Variants in ZC3H6 observed in about 807,000 individuals in gnomAD.
ZC3H6 encodes the protein zinc finger CCCH-type containing 6, also known as zinc finger CCCH domain-containing protein 6.
Under a neutral mutation model 107.7 loss-of-function variants are expected in ZC3H6, and 40 were observed. That is an observed-to-expected ratio of 0.37 (90% confidence interval 0.29 to 0.48). ZC3H6 has a LOEUF of 0.48. ZC3H6 is among the 20% of genes least tolerant of loss of function. The probability of loss-of-function intolerance (pLI) is 0.98; values close to 1 mark genes in which losing one functional copy is unlikely to be tolerated. For synonymous variants in ZC3H6, 493 were observed against 487.9 expected, an observed-to-expected ratio of 1.01 and a Z score of -0.14; for missense variants, 1,267 against 1,410.4, an observed-to-expected ratio of 0.90 and a Z score of 1.63.
intron 1 of ZC3H6, among the ~76,000 whole-genome samples, chr2:112,297,972 G>T (rs796509717): frequency 4.6e-5 from 7 of 152,208 alleles, no homozygotes; most frequent in African/African-American, 1.2e-4. Flanking sequence ...AAAATTAGTC[G>T]GATGTGATGG....
chr2:112,322,692 A>C lies in ZC3H6; in HGVS notation c.1130A>C (p.Glu377Ala). The stretch of plus-strand genomic sequence containing the variant: ...GAACTCATAAATGAAGATGAAAGAG[A>C]ATTAGAGGAACTTAGAAAGCGTGGC... ...DEELINEDER[E>A]LEELRKRGIT... Residue 377 changes from glutamate (E) to alanine (A), a missense_variant, in exon 9 of 12, where the codon GAA (glutamate) becomes GCA (alanine). Coordinates refer to ENST00000409871, the MANE Select transcript of ZC3H6 (RefSeq NM_198581.3). 2 of 1,612,242 alleles carry C rather than the reference A, an allele frequency of 1.2e-6. No homozygotes were observed. Among genetic ancestry groups the C allele is most frequent in the Non-Finnish European group, 1.7e-6 (2 of 1,179,446 alleles).
chr2:112,332,473 T>G lies in ZC3H6; in HGVS notation c.3555T>G (p.Ala1185=), dbSNP rs1677057233. The change falls in exon 12 of 12, where the codon GCT becomes GCG. Residue 1185 remains alanine, a synonymous_variant. Transcript: ENST00000409871. ...TTTTTAAAACTTTTGATCCAACTGC[T>G]TCACCATTTTGTTAGCTATTGTGTA... The part of the protein sequence containing the change: ...KEVFKTFDPT[A]SPFC 1 of 1,605,680 alleles carries G rather than the reference T, an allele frequency of 6.2e-7. No individual in the cohort carries two copies. Among genetic ancestry groups the G allele is most frequent in the Non-Finnish European group, 8.5e-7 (1 of 1,176,622 alleles).
intron 4 of ZC3H6, 59 bp downstream of exon 4, chr2:112,310,220 A>G: frequency 4.6e-6 from 7 of 1,508,612 alleles, no homozygotes; most frequent in Non-Finnish European, 6.2e-6. Flanking sequence ...ACAGGCAGCT[A>G]TGGAGTAAAA....
At position 112,331,987 on chromosome 2, in the gene ZC3H6, A is replaced by G. The variant is rs1677043697; in HGVS notation, c.3069A>G (p.Pro1023=). 2 of 1,613,880 alleles carry G rather than the reference A, an allele frequency of 1.2e-6. No homozygotes were observed. Among genetic ancestry groups the G allele is most frequent in the African/African-American group, 1.3e-5 (1 of 74,914 alleles). Residue 1023 remains proline, a synonymous_variant, in exon 12 of 12, where the codon CCA becomes CCG. Coordinates refer to ENST00000409871, the MANE Select transcript of ZC3H6 (RefSeq NM_198581.3). Reference sequence around the variant, plus strand: ...ATTCTGGTTCCGGGGCTCTGCCTCCATATGCCCCTAAACTCTCTTCCTCAG... The same window carrying G: ...ATTCTGGTTCCGGGGCTCTGCCTCCGTATGCCCCTAAACTCTCTTCCTCAG... ...TSNSGSGALP[P]YAPKLSSSAG...
chr2:112,307,133 A>T (rs189134465), intron 3 of ZC3H6, among the ~76,000 whole-genome samples: 31 of 152,306 alleles, frequency 2.0e-4, no homozygotes, highest in Non-Finnish European at 3.1e-4. Flanking sequence ...TCTTCCATAT[A>T]TATATTTTAG....
At chr2:112,290,362 C>CA (rs1416576025) in intron 1 of ZC3H6, among the ~76,000 whole-genome samples, 1 of 152,264 alleles carries the variant, frequency 6.6e-6, no homozygotes, top group Non-Finnish European at 1.5e-5. Context: ...CCCTATCTCT[C>CA]AGGCAGACTC....
chr2:112,282,181 T>C (rs919867112), intron 1 of ZC3H6, among the ~76,000 whole-genome samples: 6 of 152,196 alleles, frequency 3.9e-5, no homozygotes, highest in African/African-American at 1.4e-4. Context: ...CTCTTAAGTT[T>C]TCACCTGGAC....
In ZC3H6 at chr2:112,337,488, A is replaced by G. The variant is rs928861465; in HGVS notation, c.*5000A>G. 8 of 151,888 alleles carry G rather than the reference A, an allele frequency of 5.3e-5. No homozygotes were observed. The highest frequency in any genetic ancestry group is 1.9e-4 in the African/African-American group (8 of 41,352). 9.4% of individuals were successfully genotyped at this position (151,888 alleles called of 1,614,324 possible). On this transcript the variant is annotated 3_prime_UTR_variant, in exon 12 of 12. Transcript: ENST00000409871. ...CAGGCACGTGCCACCACACCCAGCT[A>G]ATTTATTGTATTTACTAGAGACGGG...
chr2:112,298,069 G>T (rs1054241354), intron 1 of ZC3H6, among the ~76,000 whole-genome samples: 3 of 152,152 alleles, frequency 2.0e-5, no homozygotes, highest in African/African-American at 4.8e-5. Context: ...AGCTGAGATC[G>T]TGCCACTGCA....
At position 112,338,484 on chromosome 2, in the gene ZC3H6, A is replaced by G. The variant is rs754146160; in HGVS notation, c.*5996A>G. On this transcript the variant is annotated 3_prime_UTR_variant, in exon 12 of 12. Coordinates refer to ENST00000409871, the MANE Select transcript of ZC3H6 (RefSeq NM_198581.3). ...GCATAAGGAAGAGCTGTGAGTTCAA[A>G]GAAGATTGTGAGTTCTTGGAATAGT... is the stretch of plus-strand genomic sequence containing the variant. 1.3e-5 allele frequency: 2 copies of G among 152,222 alleles called. No individual in the cohort carries two copies. The highest frequency in any genetic ancestry group is 2.9e-5 in the Non-Finnish European group (2 of 68,042). The allele number at this position is 152,222 out of a possible 1,614,324, so 9.4% of individuals were successfully genotyped here. A position where few individuals can be genotyped will look rare whatever the true frequency, so the allele number is the denominator to read the frequency against.
In ZC3H6 at chr2:112,335,600, G is replaced by C. The variant is rs1281099412; in HGVS notation, c.*3112G>C. 1 of 152,088 alleles carries C rather than the reference G, an allele frequency of 6.6e-6. No homozygotes were observed. The highest frequency in any genetic ancestry group is 2.4e-5 in the African/African-American group (1 of 41,404). The allele number at this position is 152,088 out of a possible 1,614,324, so 9.4% of individuals were successfully genotyped here. A position where few individuals can be genotyped will look rare whatever the true frequency, so the allele number is the denominator to read the frequency against. On this transcript the variant is annotated 3_prime_UTR_variant, in exon 12 of 12. Coordinates refer to ENST00000409871, the MANE Select transcript of ZC3H6 (RefSeq NM_198581.3). ...GTAAAGAATGAATTATTTTTGTAAA[G>C]TATTTGTAAATATAAAATTGCTTTA...
intron 1 of ZC3H6, among the ~76,000 whole-genome samples, chr2:112,277,359 A>T (rs1010357727): frequency 2.0e-5 from 3 of 152,162 alleles, no homozygotes; most frequent in Non-Finnish European, 2.9e-5. Flanking sequence ...GGACAAACCA[A>T]TGATGGGGTT....
chr2:112,310,602 T>C (rs1481577590), intron 4 of ZC3H6, among the ~76,000 whole-genome samples: 1 of 152,184 alleles, frequency 6.6e-6, no homozygotes, highest in African/African-American at 2.4e-5. Flanking sequence ...AAACATAATC[T>C]AAAGACATTT....
chr2:112,317,370 G>A, intron 7 of ZC3H6, 38 bp downstream of exon 7: 1 of 1,175,684 alleles, frequency 8.5e-7, no homozygotes, highest in Non-Finnish European at 1.2e-6. Flanking sequence ...ATAAAATGCT[G>A]GGGTTTTAAA....
chr2:112,298,811 A>G (rs185020712), intron 1 of ZC3H6, among the ~76,000 whole-genome samples: 2 of 152,346 alleles, frequency 1.3e-5, no homozygotes, highest in East Asian at 1.9e-4. Context: ...ACAATACAAT[A>G]AAGAAAAAAG....
At position 112,322,799 on chromosome 2, in the gene ZC3H6, G is replaced by A. The variant is rs1168163539; in HGVS notation, c.1237G>A (p.Asp413Asn). 6.2e-7 allele frequency: 1 copy of A among 1,613,922 alleles called. No individual in the cohort carries two copies. Among genetic ancestry groups the A allele is most frequent in the East Asian group, 2.2e-5 (1 of 44,876 alleles). Reference sequence around the variant, plus strand: ...GCATTTTCCCTTTTCTGATCCTGAAGACGATTTTCAGACAGATTTCTCTGA... The same window carrying A: ...GCATTTTCCCTTTTCTGATCCTGAAAACGATTTTCAGACAGATTTCTCTGA... ...PEHFPFSDPE[D>N]DFQTDFSDDF... Residue 413 changes from aspartate to asparagine, a missense_variant, in exon 9 of 12, where the codon GAC becomes AAC. Asp to Asn is a conservative substitution (Grantham distance 23). Transcript: ENST00000409871.
chr2:112,299,933 G>A lies in ZC3H6; in HGVS notation c.117G>A (p.Lys39=). Reference sequence around the variant, plus strand: ...AAAAAGAAGCAAAAGAGAATGAAAAGCAGAAAAGTGAGAAAGCCTACAGAA... The same window carrying A: ...AAAAAGAAGCAAAAGAGAATGAAAAACAGAAAAGTGAGAAAGCCTACAGAA... ...IQEKEAKENE[K]QKSEKAYRKS... The change falls in exon 2 of 12, where the codon AAG becomes AAA. Residue 39 remains lysine (K), a synonymous_variant. Transcript: ENST00000409871. The A allele has an allele frequency of 2.0e-6, 3 of 1,510,610 alleles. No homozygotes were observed. The highest frequency in any genetic ancestry group is 2.7e-6 in the Non-Finnish European group (3 of 1,129,150). 93.6% of individuals were successfully genotyped at this position (1,510,610 alleles called of 1,614,324 possible).
chr2:112,297,030 T>G (rs1005205261), intron 1 of ZC3H6, among the ~76,000 whole-genome samples: 1 of 152,202 alleles, frequency 6.6e-6, no homozygotes. Context: ...GTGAGGCTGG[T>G]GACATGAGCT....
At chr2:112,294,537 A>C (rs964397350) in intron 1 of ZC3H6, among the ~76,000 whole-genome samples, 2 of 152,150 alleles carry the variant, frequency 1.3e-5, no homozygotes, top group African/African-American at 2.4e-5. Flanking sequence ...TTGTACTATC[A>C]TCTATCAGGA....
Sources: gnomAD v4.1 joint callset for allele counts (sites outside exome capture counted in the v4.1 genomes callset) on GRCh38, gnomAD v4.1.1 for gene constraint, MANE v1.5 for transcripts, NCBI Gene and HGNC (gene_info 2026-07-23, HGNC 2026-07-21) for gene names.